CD36: variants seen among roughly 807,000 people sequenced by gnomAD.
CD36 encodes CD36 molecule (CD36 blood group), also known as platelet glycoprotein 4.
Under a neutral mutation model 55.2 loss-of-function variants are expected in CD36, and 119 were observed. The observed-to-expected ratio is 2.15, with a 90% CI of 1.86 to 2.51. The LOEUF (loss-of-function observed/expected upper bound fraction) is 2.51. Ranked by LOEUF, CD36 falls within the 30% of genes most tolerant of loss-of-function variation. The pLI, the probability that CD36 is intolerant of heterozygous loss-of-function variation, is 0.00. For synonymous variants in CD36, 186 were observed against 193.6 expected (o/e 0.96, Z 0.33); for missense variants, 819 against 555.5 (o/e 1.47, Z -4.77).
chr7:80,627,752 A>G (rs1158274307), intron 1 of CD36, among the ~76,000 whole-genome samples: 2 of 152,074 alleles, frequency 1.3e-5, no homozygotes, highest in Admixed American at 6.6e-5. Context: ...ATTTTAATAC[A>G]TTTTACAAAA....
At chr7:80,617,158 A>G (rs895655666) in intron 1 of CD36, among the ~76,000 whole-genome samples, 4 of 152,160 alleles carry the variant, frequency 2.6e-5, no homozygotes, top group Admixed American at 1.3e-4. Flanking sequence ...TCTAATTTAC[A>G]TGAGTTCAAT....
In CD36 at chr7:80,676,959, T is replaced by C. The variant is rs941026817; in HGVS notation, c.*576T>C. ...TTCATTATAATATTTTTTGCTGTCA[T>C]AATCGCCTCATAAAGACAGGTTTCA... On this transcript the variant is annotated 3_prime_UTR_variant, in exon 15 of 15. Transcript: ENST00000447544. 6.6e-6 allele frequency: 1 copy of C among 152,192 alleles called. No homozygotes were observed. Among genetic ancestry groups the C allele is most frequent in the African/African-American group, 2.4e-5 (1 of 41,450 alleles). The allele number at this position is 152,192 out of a possible 1,614,324, so 9.4% of individuals were successfully genotyped here. A position where few individuals can be genotyped will look rare whatever the true frequency, so the allele number is the denominator to read the frequency against.
rs1177815799 is a variant in CD36 at position 80,676,497 on chromosome 7, GTCATCC to G, written c.*121_*126del. 1 of 152,098 alleles carries G rather than the reference GTCATCC, an allele frequency of 6.6e-6. No homozygotes were observed. Among genetic ancestry groups the G allele is most frequent in the Non-Finnish European group, 1.5e-5 (1 of 68,046 alleles). 9.4% of individuals were successfully genotyped at this position (152,098 alleles called of 1,614,324 possible). ...AACAAATCCTAGGCCCTGCATTCCT[GTCATCC>G]TCATCCGGGGGAAACACCATCATCC... On this transcript the variant is annotated 3_prime_UTR_variant, in exon 15 of 15. Coordinates refer to ENST00000447544, the MANE Select transcript of CD36 (RefSeq NM_001001548.3).
chr7:80,637,073 G>A (rs140326613), upstream of CD36: 1 of 151,914 alleles, frequency 6.6e-6, no homozygotes, highest in East Asian at 1.9e-4. Context: ...CTCTAATTGC[G>A]ATCATATTTT....
intron 1 of CD36, among the ~76,000 whole-genome samples, chr7:80,628,538 A>G (rs1793880646): frequency 6.6e-6 from 1 of 152,058 alleles, no homozygotes; most frequent in South Asian, 2.1e-4. Context: ...CTCCTTTAAG[A>G]GACCTGGTTA....
rs868695492 is a variant in CD36 at position 80,666,491 on chromosome 7, T to C, written c.748+2T>C. On this transcript the variant is annotated splice_donor_variant, in intron 8 of 14. Coordinates refer to ENST00000447544, the MANE Select transcript of CD36 (RefSeq NM_001001548.3). LOFTEE classifies it high-confidence loss of function. ...ACTGCGACATGATTAATGGTACAGG[T>C]AAGAATATTTGTTTTGTGGTCATCA... 1 of 1,604,634 alleles carries C rather than the reference T, an allele frequency of 6.2e-7. No homozygotes were observed. Among genetic ancestry groups the C allele is most frequent in the East Asian group, 2.2e-5 (1 of 44,770 alleles).
chr7:80,635,891 G>A (rs1173506688), upstream of CD36, among the ~76,000 whole-genome samples: 1 of 152,110 alleles, frequency 6.6e-6, no homozygotes, highest in Non-Finnish European at 1.5e-5. Context: ...TAATAGTCTT[G>A]TGTGTGTCTG....
intron 1 of CD36, among the ~76,000 whole-genome samples, chr7:80,645,266 C>G (rs192355595): frequency 6.6e-6 from 1 of 151,236 alleles, no homozygotes; most frequent in South Asian, 2.1e-4. Context: ...GTGATCCACC[C>G]GCCTCAGCCT....
chr7:80,656,642 G>A lies in CD36; in HGVS notation c.223G>A (p.Glu75Lys), dbSNP rs199806731. 13 of 1,613,720 alleles carry A rather than the reference G, an allele frequency of 8.1e-6. No individual in the cohort carries two copies. The South Asian group carries it at 8.8e-5, about 11-fold the overall frequency. ...GATCTTTGATGTGCAAAATCCACAG[G>A]AAGTGATGATGAACAGCAGCAACAT... ...FWIFDVQNPQ[E>K]VMMNSSNIQV... The change falls in exon 4 of 15, where the codon GAA (glutamate) becomes AAA (lysine). Residue 75 changes from glutamate (E) to lysine (K), a missense_variant. By Grantham distance (56) the Glu-to-Lys change is moderately conservative. Transcript: ENST00000447544.
In CD36 at chr7:80,661,205, G is replaced by A; in HGVS notation, c.424G>A (p.Val142Met). Residue 142 changes from valine (V) to methionine (M), a missense_variant, in exon 5 of 15, where the codon GTG becomes ATG. Physicochemically the swap from Val to Met is conservative, Grantham distance 21 (BLOSUM62 1). Coordinates refer to ENST00000447544, the MANE Select transcript of CD36 (RefSeq NM_001001548.3). Reference protein sequence around the residue: ...ADNFTVLNLAVAAASHIYQNQ... With the variant: ...ADNFTVLNLAMAAASHIYQNQ... Reference sequence around the variant, plus strand: ...CAACTTCACAGTTCTCAATCTGGCTGTGGCAGTGAGTAGACAAACAACAAA... The same window carrying A: ...CAACTTCACAGTTCTCAATCTGGCTATGGCAGTGAGTAGACAAACAACAAA... The A allele has an allele frequency of 6.2e-7, 1 of 1,613,786 alleles. No individual in the cohort carries two copies. The highest frequency in any genetic ancestry group is 8.5e-7 in the Non-Finnish European group (1 of 1,179,766).
At chr7:80,646,599 T>C in intron 2 of CD36, 53 bp from the exon 3 acceptor site, 1 of 964,044 alleles carries the variant, frequency 1.0e-6, no homozygotes, top group South Asian at 1.4e-5. Flanking sequence ...TGTACTTTGA[T>C]CTTTTTGTAC....
chr7:80,628,186 G>C (rs1210204182), intron 1 of CD36, among the ~76,000 whole-genome samples: 1 of 151,908 alleles, frequency 6.6e-6, no homozygotes, highest in African/African-American at 2.4e-5. Context: ...GTGATACATA[G>C]AGTTACTGTT....
At chr7:80,659,564 C>T (rs528148211) in intron 4 of CD36, among the ~76,000 whole-genome samples, 203 of 152,280 alleles carry the variant, frequency 1.3e-3, no homozygotes, top group South Asian at 2.3e-3. Context: ...TCCATACAGT[C>T]TAACTTTTAA....
chr7:80,638,103 C>G (rs1027423226), upstream of CD36, among the ~76,000 whole-genome samples: 1 of 151,860 alleles, frequency 6.6e-6, no homozygotes, highest in African/African-American at 2.4e-5. Flanking sequence ...TAGGCTGTTT[C>G]CTTTTTTTAA....
intron 7 of CD36, among the ~76,000 whole-genome samples, chr7:80,664,724 G>A (rs1796874160): frequency 6.6e-6 from 1 of 151,890 alleles, no homozygotes; most frequent in South Asian, 2.1e-4. Flanking sequence ...TTAAGGTTTG[G>A]TTCACCTTTC....
chr7:80,657,358 T>C (rs1301691357), intron 4 of CD36, among the ~76,000 whole-genome samples: 1 of 152,240 alleles, frequency 6.6e-6, no homozygotes, highest in African/African-American at 2.4e-5. Flanking sequence ...AATTAACTTC[T>C]GGGTCATATA....
chr7:80,649,966 C>T (rs542642586), intron 3 of CD36, among the ~76,000 whole-genome samples: 22 of 152,090 alleles, frequency 1.4e-4, no homozygotes, highest in African/African-American at 4.8e-4. Flanking sequence ...ATGATTAGAA[C>T]ATGGTCACCA....
chr7:80,671,627 A>G (rs1019071043), intron 10 of CD36, among the ~76,000 whole-genome samples: 4 of 151,890 alleles, frequency 2.6e-5, no homozygotes, highest in Non-Finnish European at 5.9e-5. Context: ...TTTGGAGACT[A>G]GCTTATCCTG....
upstream of CD36, among the ~76,000 whole-genome samples, chr7:80,634,690 T>TA (rs1285945810): frequency 6.6e-6 from 1 of 152,128 alleles, no homozygotes; most frequent in African/African-American, 2.4e-5. Flanking sequence ...TTACTCAACT[T>TA]ACTGTACTCT....
Sources: gnomAD v4.1 joint callset for allele counts (sites outside exome capture counted in the v4.1 genomes callset) on GRCh38, gnomAD v4.1.1 for gene constraint, MANE v1.5 for transcripts, NCBI Gene and HGNC (gene_info 2026-07-23, HGNC 2026-07-21) for gene names.